OSBPL6: variants seen among roughly 807,000 people sequenced by gnomAD.
OSBPL6 encodes the protein oxysterol-binding protein-related protein 6.
Under a neutral mutation model 125.8 loss-of-function variants are expected in OSBPL6, and 49 were observed. The observed-to-expected ratio is 0.39, with a 90% confidence interval of 0.31 to 0.49. The LOEUF (loss-of-function observed/expected upper bound fraction) is 0.49, where lower values mean the gene tolerates loss of function less well. OSBPL6 is among the 20% of genes least tolerant of loss of function. The pLI is 0.88. For missense variants in OSBPL6, 986 were observed against 1,135.4 expected (o/e 0.87, Z 1.89); for synonymous variants, 394 against 391.8 (o/e 1.01, Z -0.07).
At chr2:178,323,861 TAGA>T (rs1348106205) in intron 3 of OSBPL6, 2 of 185,546 alleles carry the variant, frequency 1.1e-5, no homozygotes, top group Non-Finnish European at 2.2e-5. Context: ...TTAGTCTAAG[TAGA>T]AGGTGTGTCT....
At chr2:178,323,163 T>C (rs1688393700) in intron 3 of OSBPL6, among the ~76,000 whole-genome samples, 1 of 152,200 alleles carries the variant, frequency 6.6e-6, no homozygotes, top group African/African-American at 2.4e-5. Flanking sequence ...AAAGATCATA[T>C]CTAATTTATA....
chr2:178,346,467 A>G (rs1276875473), intron 11 of OSBPL6, among the ~76,000 whole-genome samples: 1 of 152,220 alleles, frequency 6.6e-6, no homozygotes, highest in Non-Finnish European at 1.5e-5. Context: ...ATTCATGGAC[A>G]GGACTTAAGA....
chr2:178,358,148 G>A (rs1691991721), intron 12 of OSBPL6, among the ~76,000 whole-genome samples: 1 of 152,104 alleles, frequency 6.6e-6, no homozygotes, highest in African/African-American at 2.4e-5. Context: ...GAGTTGATGG[G>A]TGCAGCAAAG....
intron 5 of OSBPL6, among the ~76,000 whole-genome samples, chr2:178,329,056 T>G (rs1688959319): frequency 6.6e-6 from 1 of 152,226 alleles, no homozygotes; most frequent in Non-Finnish European, 1.5e-5. Flanking sequence ...GCTATCGAAC[T>G]AATTCCCTGT....
At chr2:178,262,623 G>A (rs1305899263) in intron 1 of OSBPL6, among the ~76,000 whole-genome samples, 2 of 152,176 alleles carry the variant, frequency 1.3e-5, no homozygotes, top group Non-Finnish European at 2.9e-5. Flanking sequence ...TGTGACAAGA[G>A]CAGAGTTCCT....
At chr2:178,275,884 T>C (rs558788785) in intron 1 of OSBPL6, among the ~76,000 whole-genome samples, 1 of 152,308 alleles carries the variant, frequency 6.6e-6, no homozygotes, top group Admixed American at 6.5e-5. Flanking sequence ...CTCAGGCAAT[T>C]CAGTGAAAGA....
chr2:178,314,835 T>TG (rs1687595197), intron 3 of OSBPL6, among the ~76,000 whole-genome samples: 1 of 152,216 alleles, frequency 6.6e-6, no homozygotes, highest in Admixed American at 6.5e-5. Flanking sequence ...ACCCAGTTTC[T>TG]GGAGCCCTTG....
chr2:178,213,077 G>C lies in OSBPL6; in HGVS notation c.-351+18403G>C, dbSNP rs138078722. Among the ~76,000 whole-genome samples the C allele has an allele frequency of 5.6e-3, 854 of 152,242 alleles. 9 individuals carry two copies. Among genetic ancestry groups the C allele is most frequent in the African/African-American group, 0.02 (821 of 41,556 alleles). On this transcript the variant is annotated intron_variant, in intron 1 of 24. Transcript: ENST00000190611. ...CTGCCTCGGCCTCCCAAAGTGCTGGGATTACTGGCGTGAGCCAACACGCCC... is the reference window on the plus strand; with the variant it reads ...CTGCCTCGGCCTCCCAAAGTGCTGGCATTACTGGCGTGAGCCAACACGCCC...
intron 12 of OSBPL6, among the ~76,000 whole-genome samples, chr2:178,354,237 T>G (rs887863295): frequency 6.6e-6 from 1 of 152,182 alleles, no homozygotes; most frequent in East Asian, 1.9e-4. Flanking sequence ...CACATAAGAA[T>G]ATTAACTTTA....
At chr2:178,303,812 T>C (rs1335330480) in intron 2 of OSBPL6, among the ~76,000 whole-genome samples, 1 of 152,132 alleles carries the variant, frequency 6.6e-6, no homozygotes, top group Non-Finnish European at 1.5e-5. Context: ...CAGGACTCAA[T>C]GTTGGAATTT....
chr2:178,399,459 T>A lies in OSBPL6; in HGVS notation c.*3900T>A, dbSNP rs1448097679. 6.6e-6 allele frequency: 1 copy of A among 152,204 alleles called. No homozygotes were observed. The highest frequency in any genetic ancestry group is 2.4e-5 in the African/African-American group (1 of 41,454). 9.4% of individuals were successfully genotyped at this position (152,204 alleles called of 1,614,324 possible). Reference sequence around the variant, plus strand: ...TATATTTGTTATTGAATTGAAAGACTTTTTTTGTAGCTTTTGCTTTTAAAG... The same window carrying A: ...TATATTTGTTATTGAATTGAAAGACATTTTTTGTAGCTTTTGCTTTTAAAG... On this transcript the variant is annotated 3_prime_UTR_variant, in exon 25 of 25. Transcript: ENST00000190611.
intron 1 of OSBPL6, among the ~76,000 whole-genome samples, chr2:178,247,262 T>C (rs1277799553): frequency 6.6e-6 from 1 of 152,194 alleles, no homozygotes; most frequent in Non-Finnish European, 1.5e-5. Context: ...CTTCCTTTTG[T>C]GGTGTTGTCC....
intron 21 of OSBPL6, 77 bp from the exon 22 acceptor site, chr2:178,390,996 A>C: frequency 2.5e-6 from 4 of 1,571,296 alleles, no homozygotes; most frequent in Non-Finnish European, 3.4e-6. Context: ...AGGCTAAGAA[A>C]TTTTTCTATA....
chr2:178,356,904 G>A (rs1691844562), intron 12 of OSBPL6, among the ~76,000 whole-genome samples: 1 of 152,116 alleles, frequency 6.6e-6, no homozygotes, highest in South Asian at 2.1e-4. Flanking sequence ...TAGACCAATG[G>A]AACAGAACAG....
At chr2:178,200,309 C>T (rs937507614) in intron 1 of OSBPL6, among the ~76,000 whole-genome samples, 1 of 140,752 alleles carries the variant, frequency 7.1e-6, no homozygotes. Flanking sequence ...CCGAGTGCAG[C>T]GGTGCAATCT....
intron 1 of OSBPL6, among the ~76,000 whole-genome samples, chr2:178,219,893 C>T (rs1373609775): frequency 2.0e-5 from 3 of 152,144 alleles, no homozygotes; most frequent in Non-Finnish European, 2.9e-5. Context: ...CACTGCCTTC[C>T]GAGCAATGCT....
chr2:178,399,745 G>A lies in OSBPL6; in HGVS notation c.*4186G>A, dbSNP rs961241201. The A allele has an allele frequency of 1.8e-4, 27 of 152,300 alleles. No homozygotes were observed. Among genetic ancestry groups the A allele is most frequent in the Admixed American group, 1.8e-3 (27 of 15,300 alleles). The allele number at this position is 152,300 out of a possible 1,614,324, so 9.4% of individuals were successfully genotyped here. A position where few individuals can be genotyped will look rare whatever the true frequency, so the allele number is the denominator to read the frequency against. ...CATAGTGAAAGGCATAGATACACAT[G>A]TATGTTCTTTTACACTGTGTCATTG... On this transcript the variant is annotated 3_prime_UTR_variant, in exon 25 of 25. Coordinates refer to ENST00000190611, the MANE Select transcript of OSBPL6 (RefSeq NM_032523.4).
rs551108764 is a variant in OSBPL6, at chr2:178,324,796, A to G, written c.195+527A>G. 6.6e-5 allele frequency among the ~76,000 whole-genome samples: 10 copies of G among 152,378 alleles called. 1 individual carries two copies. In the South Asian group the frequency reaches 2.1e-3, roughly 32 times the overall value. The stretch of plus-strand genomic sequence containing the variant: ...TTGCCCATAGTAAAAACATAAATAA[A>G]TAAGTAAATAAGCTATCAAGGATTA... On this transcript the variant is annotated intron_variant, in intron 4 of 24. Coordinates refer to ENST00000190611, the MANE Select transcript of OSBPL6 (RefSeq NM_032523.4).
chr2:178,335,802 G>A (rs935717538), intron 8 of OSBPL6, among the ~76,000 whole-genome samples: 1 of 152,038 alleles, frequency 6.6e-6, no homozygotes, highest in African/African-American at 2.4e-5. Context: ...ATAATAACTT[G>A]CCATGACTGC....
Sources: allele counts gnomAD v4.1 joint callset (sites outside exome capture counted in the v4.1 genomes callset), GRCh38; gene constraint gnomAD v4.1.1; transcripts MANE v1.5; gene names NCBI Gene and HGNC (gene_info 2026-07-23, HGNC 2026-07-21).